EDIL3: variants seen among roughly 807,000 people sequenced by gnomAD.
EDIL3 encodes the protein EGF-like repeat and discoidin I-like domain-containing protein 3.
EDIL3 carries 37 observed loss-of-function variants against 67.4 expected under a neutral mutation model. The ratio of observed to expected loss-of-function variants is 0.55; its 90% CI spans 0.42 to 0.72. The LOEUF is 0.72. EDIL3 is among the 30% of genes least tolerant of loss of function. The pLI is 0.00. For synonymous variants in EDIL3, 195 were observed against 196.3 expected (o/e 0.99, Z 0.05); for missense variants, 527 against 586.3 (o/e 0.90, Z 1.04).
At chr5:84,051,138 C>A (rs1469243660) in intron 9 of EDIL3, among the ~76,000 whole-genome samples, 1 of 152,190 alleles carries the variant, frequency 6.6e-6, no homozygotes, top group Non-Finnish European at 1.5e-5. Context: ...GATCAGACAG[C>A]AACATTTGCT....
At chr5:84,315,857 A>G (rs1419997064) in intron 1 of EDIL3, among the ~76,000 whole-genome samples, 1 of 152,190 alleles carries the variant, frequency 6.6e-6, no homozygotes, top group African/African-American at 2.4e-5. Flanking sequence ...GGGCAGCCAG[A>G]GAGAAAGGTC....
chr5:83,944,239 A>T (rs187027617), intron 10 of EDIL3, among the ~76,000 whole-genome samples: 1 of 152,112 alleles, frequency 6.6e-6, no homozygotes, highest in African/African-American at 2.4e-5. Context: ...CAAATGAGAC[A>T]ACACAATCAA....
intron 6 of EDIL3, 27 bp downstream of exon 6, chr5:84,106,622 T>G (rs1387444961): frequency 1.3e-6 from 2 of 1,554,694 alleles, no homozygotes; most frequent in Admixed American, 4.3e-5. Context: ...ACTTATAACA[T>G]TAACCTTGTC....
At chr5:84,095,680 C>G (rs929854115) in intron 6 of EDIL3, among the ~76,000 whole-genome samples, 2 of 152,088 alleles carry the variant, frequency 1.3e-5, no homozygotes. Context: ...ATAAGGGAAG[C>G]AAAGCATAAA....
chr5:84,370,930 T>G (rs1233459515), intron 1 of EDIL3, among the ~76,000 whole-genome samples: 2 of 152,034 alleles, frequency 1.3e-5, no homozygotes, highest in Non-Finnish European at 2.9e-5. Context: ...CATGCATGCA[T>G]GCATGCATAA....
intron 1 of EDIL3, among the ~76,000 whole-genome samples, chr5:84,275,503 T>A (rs952632599): frequency 3.3e-5 from 5 of 152,212 alleles, no homozygotes; most frequent in African/African-American, 9.6e-5. Context: ...CCCTTAGCAA[T>A]CAATCTCAAT....
At chr5:83,973,744 T>C (rs888763433) in intron 9 of EDIL3, among the ~76,000 whole-genome samples, 1 of 152,058 alleles carries the variant, frequency 6.6e-6, no homozygotes, top group Non-Finnish European at 1.5e-5. Flanking sequence ...AATTTGTGTG[T>C]CAATATGTAG....
chr5:84,187,224 T>C (rs1342448745), intron 3 of EDIL3, among the ~76,000 whole-genome samples: 2 of 152,208 alleles, frequency 1.3e-5, no homozygotes, highest in East Asian at 3.9e-4. Context: ...CTCATATAAG[T>C]ATGTCAACAA....
chr5:84,239,612 C>G (rs1294819343), intron 2 of EDIL3, among the ~76,000 whole-genome samples: 1 of 152,162 alleles, frequency 6.6e-6, no homozygotes, highest in Non-Finnish European at 1.5e-5. Context: ...GTACTGGGAA[C>G]TGGTAATCTT....
intron 6 of EDIL3, among the ~76,000 whole-genome samples, chr5:84,075,932 G>A (rs987488222): frequency 2.2e-5 from 3 of 138,846 alleles, no homozygotes; most frequent in Admixed American, 1.5e-4. Context: ...ACACACTCAC[G>A]TGCCATTGTG....
At chr5:84,323,431 T>A (rs1339695182) in intron 1 of EDIL3, among the ~76,000 whole-genome samples, 1 of 151,454 alleles carries the variant, frequency 6.6e-6, no homozygotes, top group Admixed American at 6.6e-5. Context: ...CATAAGGAAA[T>A]GAGAAAGGAA....
intron 9 of EDIL3, among the ~76,000 whole-genome samples, chr5:83,979,685 T>A (rs111800841): frequency 3.3e-5 from 5 of 152,084 alleles, no homozygotes; most frequent in African/African-American, 1.2e-4. Flanking sequence ...TAAGGTAGCA[T>A]AGAAAGGTAC....
chr5:84,073,172 A>G (rs940318045), intron 6 of EDIL3, among the ~76,000 whole-genome samples: 1 of 152,188 alleles, frequency 6.6e-6, no homozygotes, highest in African/African-American at 2.4e-5. Flanking sequence ...ACTCTCAATA[A>G]ATTAGGTATT....
intron 1 of EDIL3, among the ~76,000 whole-genome samples, chr5:84,272,181 A>T: frequency 6.6e-6 from 1 of 152,066 alleles, no homozygotes; most frequent in Non-Finnish European, 1.5e-5. Flanking sequence ...TTGAATCTAA[A>T]CATAGTGTTT....
chr5:84,281,920 G>A (rs1371033028), intron 1 of EDIL3, among the ~76,000 whole-genome samples: 9 of 123,042 alleles, frequency 7.3e-5, no homozygotes, highest in African/African-American at 1.3e-4. Context: ...TGGAATAAAT[G>A]CAGTGGTGCG....
intron 5 of EDIL3, among the ~76,000 whole-genome samples, chr5:84,125,429 G>A (rs1747851829): frequency 6.6e-6 from 1 of 151,964 alleles, no homozygotes; most frequent in Non-Finnish European, 1.5e-5. Flanking sequence ...CTGGAAGTCT[G>A]CAAAAGCTTA....
chr5:84,031,595 C>T (rs1021408254), intron 9 of EDIL3, among the ~76,000 whole-genome samples: 1 of 152,154 alleles, frequency 6.6e-6, no homozygotes, highest in Non-Finnish European at 1.5e-5. Context: ...CGAGAGGTTC[C>T]TCTTTCTCTG....
chr5:84,117,036 T>TA lies in EDIL3; in HGVS notation c.470-10207_470-10206insT, dbSNP rs1397036355. The stretch of plus-strand genomic sequence containing the variant: ...TAAGTACTTATTTTTTTTTTTTTTT[T>TA]TTTTTTTTTGAGACGGAGTCTCGCT... On this transcript the variant is annotated intron_variant, in intron 5 of 10. Coordinates refer to ENST00000296591, the MANE Select transcript of EDIL3 (RefSeq NM_005711.5). 6.6e-3 allele frequency among the ~76,000 whole-genome samples: 922 copies of TA among 139,912 alleles called. 14 individuals carry two copies. The highest frequency in any genetic ancestry group is 0.024 in the African/African-American group (882 of 37,344). 91.8% of individuals were successfully genotyped at this position (139,912 alleles called of 152,430 possible).
chr5:83,964,393 C>T (rs1744656554), intron 9 of EDIL3, among the ~76,000 whole-genome samples: 1 of 151,926 alleles, frequency 6.6e-6, no homozygotes, highest in Admixed American at 6.6e-5. Flanking sequence ...TGACTAAGTG[C>T]CTTGCTACAT....
Sources: gnomAD v4.1 joint callset for allele counts (sites outside exome capture counted in the v4.1 genomes callset) on GRCh38, gnomAD v4.1.1 for gene constraint, MANE v1.5 for transcripts, NCBI Gene and HGNC (gene_info 2026-07-23, HGNC 2026-07-21) for gene names.